RHOJ: variants seen among roughly 807,000 people sequenced by gnomAD.
RHOJ encodes rho-related GTP-binding protein RhoJ.
Under a neutral mutation model 23.4 loss-of-function variants are expected in RHOJ, and 11 were observed. The ratio of observed to expected loss-of-function variants is 0.47; its 90% CI spans 0.30 to 0.78. RHOJ has a LOEUF of 0.78. RHOJ is among the 30% of genes least tolerant of loss of function. The probability of loss-of-function intolerance (pLI) is 0.08; values close to 1 mark genes in which losing one functional copy is unlikely to be tolerated. For synonymous variants in RHOJ, 102 were observed against 102.7 expected (o/e 0.99, Z 0.04); for missense variants, 254 against 273.4 (o/e 0.93, Z 0.50).
chr14:63,218,507 A>G (rs1261839355), intron 1 of RHOJ, among the ~76,000 whole-genome samples: 6 of 152,228 alleles, frequency 3.9e-5, no homozygotes, highest in African/African-American at 1.4e-4. Flanking sequence ...TCATTTTAAT[A>G]GATAGTCTAG....
chr14:63,273,272 A>C (rs1895503948), intron 2 of RHOJ, among the ~76,000 whole-genome samples: 1 of 152,202 alleles, frequency 6.6e-6, no homozygotes, highest in Admixed American at 6.5e-5. Context: ...CTCAGATCAC[A>C]CTAGGAAGGA....
intron 1 of RHOJ, among the ~76,000 whole-genome samples, chr14:63,216,587 C>T (rs540442367): frequency 6.6e-6 from 1 of 152,272 alleles, no homozygotes; most frequent in South Asian, 2.1e-4. Context: ...CTCCTCTCTG[C>T]TCATATTGAA....
At chr14:63,259,225 T>C (rs994565809) in intron 1 of RHOJ, among the ~76,000 whole-genome samples, 2 of 152,172 alleles carry the variant, frequency 1.3e-5, no homozygotes, top group African/African-American at 4.8e-5. Flanking sequence ...GAAATTCTAG[T>C]GAATTAATTG....
At chr14:63,233,879 TC>T (rs1346275047) in intron 1 of RHOJ, among the ~76,000 whole-genome samples, 1 of 152,128 alleles carries the variant, frequency 6.6e-6, no homozygotes, top group Non-Finnish European at 1.5e-5. Context: ...ATCCAGCAGC[TC>T]CCAACCGTTC....
At chr14:63,282,286 G>GCACACACA (rs36227581) in intron 3 of RHOJ, among the ~76,000 whole-genome samples, 125 of 133,292 alleles carry the variant, frequency 9.4e-4, no homozygotes, top group African/African-American at 3.0e-3. Flanking sequence ...ACAAACACAT[G>GCACACACA]CACACACACA....
intron 1 of RHOJ, among the ~76,000 whole-genome samples, chr14:63,213,781 T>G (rs866119239): frequency 2.0e-5 from 3 of 152,202 alleles, no homozygotes; most frequent in Non-Finnish European, 2.9e-5. Context: ...CTTGGTACCC[T>G]GCCATCATCT....
chr14:63,258,840 C>T (rs1232245114), intron 1 of RHOJ, among the ~76,000 whole-genome samples: 1 of 152,226 alleles, frequency 6.6e-6, no homozygotes, highest in Non-Finnish European at 1.5e-5. Context: ...GAATGGTTTA[C>T]AAGCATTTTT....
intron 1 of RHOJ, among the ~76,000 whole-genome samples, chr14:63,254,594 G>A (rs1895129768): frequency 6.6e-6 from 1 of 152,100 alleles, no homozygotes; most frequent in Non-Finnish European, 1.5e-5. Context: ...GTAGCTCATT[G>A]TGTGGGGGAA....
At chr14:63,267,439 A>G (rs1895388456) in intron 1 of RHOJ, among the ~76,000 whole-genome samples, 2 of 152,226 alleles carry the variant, frequency 1.3e-5, no homozygotes, top group South Asian at 4.1e-4. Context: ...CCTGTATGTC[A>G]TGAGACAATC....
At chr14:63,237,769 G>T (rs571052273) in intron 1 of RHOJ, among the ~76,000 whole-genome samples, 5 of 152,272 alleles carry the variant, frequency 3.3e-5, no homozygotes, top group African/African-American at 1.2e-4. Flanking sequence ...ATTTCTACTG[G>T]ATTCGAAGGT....
chr14:63,234,631 A>G (rs1394945319), intron 1 of RHOJ, among the ~76,000 whole-genome samples: 1 of 152,232 alleles, frequency 6.6e-6, no homozygotes, highest in Non-Finnish European at 1.5e-5. Context: ...GTACACACAC[A>G]TATAATTATA....
chr14:63,207,967 A>G (rs898713615), intron 1 of RHOJ, among the ~76,000 whole-genome samples: 5 of 152,194 alleles, frequency 3.3e-5, no homozygotes, highest in African/African-American at 1.2e-4. Context: ...AATGTAATTA[A>G]AAGATAAAGA....
At position 63,226,619 on chromosome 14, in the gene RHOJ, A is replaced by G. The variant is rs144353534; in HGVS notation, c.178+21572A>G. ...CAAGAATAAACAAGGGAAACTCAGC[A>G]TATGTATAACTGGAGTTCCCAAAGG... On this transcript the variant is annotated intron_variant, in intron 1 of 4. Transcript: ENST00000316754. Among the ~76,000 whole-genome samples, 603 of 151,610 alleles carry G rather than the reference A, an allele frequency of 4.0e-3. 10 individuals are homozygous for G. The highest frequency in any genetic ancestry group is 0.035 in the East Asian group (181 of 5,178).
intron 1 of RHOJ, among the ~76,000 whole-genome samples, chr14:63,220,935 T>A (rs2139737143): frequency 6.6e-6 from 1 of 152,316 alleles, no homozygotes; most frequent in East Asian, 1.9e-4. Context: ...CTGTTCTATT[T>A]CTAAATATCT....
chr14:63,257,088 A>C (rs1895181191), intron 1 of RHOJ, among the ~76,000 whole-genome samples: 1 of 148,738 alleles, frequency 6.7e-6, no homozygotes, highest in Non-Finnish European at 1.5e-5. Context: ...AAAAGAAAAA[A>C]TTAGCCAGGC....
intron 4 of RHOJ, among the ~76,000 whole-genome samples, chr14:63,286,355 A>C (rs750627727): frequency 6.6e-6 from 1 of 152,220 alleles, no homozygotes; most frequent in African/African-American, 2.4e-5. Flanking sequence ...AGACTAATAC[A>C]TTCACGGAAG....
At chr14:63,220,155 A>C (rs1894457426) in intron 1 of RHOJ, among the ~76,000 whole-genome samples, 1 of 152,208 alleles carries the variant, frequency 6.6e-6, no homozygotes, top group African/African-American at 2.4e-5. Context: ...TCTATCCCCA[A>C]GCAATGTCTA....
chr14:63,278,589 T>C (rs966435214), intron 2 of RHOJ, among the ~76,000 whole-genome samples: 4 of 152,246 alleles, frequency 2.6e-5, no homozygotes, highest in African/African-American at 9.6e-5. Flanking sequence ...TAAAAATATA[T>C]CCATGATATA....
chr14:63,219,782 C>T (rs541993532), intron 1 of RHOJ, among the ~76,000 whole-genome samples: 13 of 150,298 alleles, frequency 8.6e-5, no homozygotes, highest in African/African-American at 2.0e-4. Flanking sequence ...CACCACTGCA[C>T]TCCAGCCTGG....
Sources: gnomAD v4.1 joint callset for allele counts (sites outside exome capture counted in the v4.1 genomes callset) on GRCh38, gnomAD v4.1.1 for gene constraint, MANE v1.5 for transcripts, NCBI Gene and HGNC (gene_info 2026-07-23, HGNC 2026-07-21) for gene names.